Variants in DDX4 observed in about 807,000 individuals in gnomAD.
The protein encoded by DDX4 is probable ATP-dependent RNA helicase DDX4.
Under a neutral mutation model 100.0 loss-of-function variants are expected in DDX4, and 25 were observed. The ratio of observed to expected loss-of-function variants is 0.25; its 90% CI spans 0.18 to 0.35. The LOEUF (loss-of-function observed/expected upper bound fraction) is 0.35, where lower values mean the gene tolerates loss of function less well. Ranked by LOEUF, DDX4 falls within the 10% of genes least tolerant of loss-of-function variation. The pLI is 1.00. For synonymous variants in DDX4, 259 were observed against 275.7 expected, an observed-to-expected ratio of 0.94 and a Z score of 0.60; for missense variants, 635 against 882.4, an observed-to-expected ratio of 0.72 and a Z score of 3.55.
chr5:55,808,494 T>C (rs1322655335), intron 18 of DDX4, among the ~76,000 whole-genome samples: 1 of 152,212 alleles, frequency 6.6e-6, no homozygotes. Flanking sequence ...GATGGGGTTT[T>C]GGTGTGGATG....
chr5:55,772,581 TG>T (rs1160892693), intron 7 of DDX4, among the ~76,000 whole-genome samples: 10 of 152,178 alleles, frequency 6.6e-5, no homozygotes, highest in Non-Finnish European at 1.3e-4. Context: ...TTCCCAGAGT[TG>T]GAGGTAGGGT....
chr5:55,747,707 T>C (rs186249774), intron 3 of DDX4, among the ~76,000 whole-genome samples: 4 of 152,340 alleles, frequency 2.6e-5, no homozygotes, highest in African/African-American at 9.6e-5. Context: ...ACTGGAACTC[T>C]GTACTCATTG....
intron 7 of DDX4, among the ~76,000 whole-genome samples, chr5:55,774,137 T>A (rs1438598473): frequency 6.6e-6 from 1 of 151,566 alleles, no homozygotes; most frequent in Non-Finnish European, 1.5e-5. Flanking sequence ...TATTTTTTTT[T>A]AATTTATCTA....
intron 3 of DDX4, 21 bp downstream of exon 3, chr5:55,746,242 G>T: frequency 6.3e-7 from 1 of 1,597,142 alleles, no homozygotes; most frequent in Non-Finnish European, 8.5e-7. Context: ...TGGGAAAAAG[G>T]TAAAACCCTT....
intron 7 of DDX4, among the ~76,000 whole-genome samples, chr5:55,769,772 A>G (rs1377274923): frequency 6.6e-6 from 1 of 152,218 alleles, no homozygotes; most frequent in African/African-American, 2.4e-5. Flanking sequence ...ACTATACTAC[A>G]AGGCTGTAAT....
chr5:55,776,493 A>C lies in DDX4; in HGVS notation c.395-3471A>C, dbSNP rs114988826. 3.3e-3 allele frequency among the ~76,000 whole-genome samples: 499 copies of C among 152,348 alleles called. 4 individuals carry two copies. Among genetic ancestry groups the C allele is most frequent in the African/African-American group, 0.012 (486 of 41,588 alleles). The stretch of plus-strand genomic sequence containing the variant: ...CTTATGCATGTATTGAAATTATAGT[A>C]TTACAAAGATTTTTTAAAACCTATA... On this transcript the variant is annotated intron_variant, in intron 7 of 21. Coordinates refer to ENST00000505374, the MANE Select transcript of DDX4 (RefSeq NM_024415.3).
At chr5:55,808,879 G>A (rs1358291719) in intron 18 of DDX4, among the ~76,000 whole-genome samples, 1 of 152,208 alleles carries the variant, frequency 6.6e-6, no homozygotes, top group Non-Finnish European at 1.5e-5. Flanking sequence ...AGAGGATTCT[G>A]CTGCCTTTTG....
intron 2 of DDX4, among the ~76,000 whole-genome samples, chr5:55,740,827 A>G (rs1758940128): frequency 6.6e-6 from 1 of 152,094 alleles, no homozygotes; most frequent in Admixed American, 6.6e-5. Flanking sequence ...GCCATATAAC[A>G]GTAACTTTTG....
intron 7 of DDX4, among the ~76,000 whole-genome samples, chr5:55,773,774 A>G (rs1386122985): frequency 6.6e-6 from 1 of 151,710 alleles, no homozygotes; most frequent in Non-Finnish European, 1.5e-5. Context: ...ACAGGCGTGT[A>G]CTACCATGCC....
In DDX4 at chr5:55,787,874, A is replaced by G. The variant is rs1742338318; in HGVS notation, c.1046A>G (p.His349Arg). The G allele has an allele frequency of 1.9e-6, 3 of 1,613,538 alleles. No individual in the cohort carries two copies. The highest frequency in any genetic ancestry group is 2.2e-5 in the South Asian group (2 of 90,922). Residue 349 changes from histidine to arginine, a missense_variant, in exon 15 of 22, where the codon CAT (histidine) becomes CGT (arginine). Coordinates refer to ENST00000505374, the MANE Select transcript of DDX4 (RefSeq NM_024415.3). ...TAAFLLPILA[H>R]MMHDGITASR... ...GCTTTTCTCCTACCAATTTTGGCTC[A>G]TATGATGCATGATGGAATAACTGCC...
At chr5:55,814,539 C>T (rs561491648) in intron 19 of DDX4, among the ~76,000 whole-genome samples, 1 of 151,660 alleles carries the variant, frequency 6.6e-6, no homozygotes, top group South Asian at 2.1e-4. Context: ...CCCAGTCATC[C>T]AGGCTGGAGT....
At chr5:55,746,788 T>TC (rs1580509401) in intron 3 of DDX4, among the ~76,000 whole-genome samples, 3 of 152,184 alleles carry the variant, frequency 2.0e-5, no homozygotes, top group Admixed American at 6.5e-5. Flanking sequence ...CCATCATTTT[T>TC]CCCCTTGGGT....
chr5:55,789,272 A>G lies in DDX4; in HGVS notation c.1172+1272A>G, dbSNP rs186443675. 2.6e-5 allele frequency among the ~76,000 whole-genome samples: 4 copies of G among 152,334 alleles called. No homozygotes were observed. In the East Asian group the frequency reaches 7.7e-4, roughly 29 times the overall value. ...CTCCCTTAAAACATAGTTGCTTTCA[A>G]CAATAAACATTTACTGTCTCACCAT... On this transcript the variant is annotated intron_variant, in intron 15 of 21. Coordinates refer to ENST00000505374, the MANE Select transcript of DDX4 (RefSeq NM_024415.3).
At chr5:55,762,115 T>C (rs1740597183) in intron 4 of DDX4, among the ~76,000 whole-genome samples, 1 of 152,158 alleles carries the variant, frequency 6.6e-6, no homozygotes, top group Non-Finnish European at 1.5e-5. Flanking sequence ...ATTTTACAGG[T>C]GGTTTCAGGA....
intron 16 of DDX4, among the ~76,000 whole-genome samples, chr5:55,791,877 C>T (rs1303016628): frequency 6.6e-6 from 1 of 151,938 alleles, no homozygotes; most frequent in Non-Finnish European, 1.5e-5. Flanking sequence ...TTTGGGAAGC[C>T]GAGGCAGGCA....
chr5:55,815,466 CTTTGTA>C, intron 21 of DDX4, 43 bp downstream of exon 21: 1 of 1,582,040 alleles, frequency 6.3e-7, no homozygotes, highest in South Asian at 1.2e-5. Flanking sequence ...TCTAGTTACT[CTTTGTA>C]AATGTTGTGC....
rs1301594046 is a variant in DDX4 at position 55,787,887 on chromosome 5, T to G, written c.1059T>G (p.Asp353Glu). Residue 353 changes from aspartate (D) to glutamate (E), a missense_variant, in exon 15 of 22, where the codon GAT becomes GAG. Transcript: ENST00000505374. The part of the protein sequence containing the change: ...LLPILAHMMH[D>E]GITASRFKEL... ...CAATTTTGGCTCATATGATGCATGA[T>G]GGAATAACTGCCAGTCGTTTTAAAG... 3 of 1,613,982 alleles carry G rather than the reference T, an allele frequency of 1.9e-6. No individual in the cohort carries two copies. In the Admixed American group the frequency reaches 5.0e-5, roughly 27 times the overall value.
At chr5:55,748,529 T>C (rs1396839381) in intron 3 of DDX4, among the ~76,000 whole-genome samples, 1 of 152,088 alleles carries the variant, frequency 6.6e-6, no homozygotes, top group Non-Finnish European at 1.5e-5. Context: ...GACCTATGAA[T>C]GTTTAGGCTA....
At chr5:55,767,356 C>T (rs1041655723) in intron 6 of DDX4, among the ~76,000 whole-genome samples, 2 of 152,280 alleles carry the variant, frequency 1.3e-5, no homozygotes, top group East Asian at 1.9e-4. Flanking sequence ...TGGGGATAAT[C>T]GCTTGAACCC....
Sources: gnomAD v4.1 joint callset for allele counts (sites outside exome capture counted in the v4.1 genomes callset) on GRCh38, gnomAD v4.1.1 for gene constraint, MANE v1.5 for transcripts, NCBI Gene and HGNC (gene_info 2026-07-23, HGNC 2026-07-21) for gene names.